The following VPS54 variants were observed in gnomAD, a reference collection of about 807,000 sequenced individuals.
VPS54 encodes VPS54 subunit of GARP complex, also known as vacuolar protein sorting-associated protein 54.
Under a neutral mutation model 121.5 loss-of-function variants are expected in VPS54, and 45 were observed. The observed-to-expected ratio is 0.37, with a 90% CI of 0.29 to 0.47. The LOEUF (loss-of-function observed/expected upper bound fraction) is 0.47. Among genes scored for constraint, VPS54 ranks in the 20% least tolerant of loss-of-function variants. VPS54 has a pLI of 0.99. For missense variants in VPS54, 1,090 were observed against 1,131.4 expected, an observed-to-expected ratio of 0.96 and a Z score of 0.52; for synonymous variants, 371 against 385.8, an observed-to-expected ratio of 0.96 and a Z score of 0.45.
intron 4 of VPS54, among the ~76,000 whole-genome samples, chr2:63,971,707 A>G (rs766754040): frequency 2.0e-5 from 3 of 152,214 alleles, no homozygotes; most frequent in Non-Finnish European, 4.4e-5. Flanking sequence ...ATATACAGTG[A>G]TACAATTATT....
At chr2:63,944,694 T>C (rs772524617) in intron 9 of VPS54, 39 bp from the exon 10 acceptor site, 11 of 1,537,664 alleles carry the variant, frequency 7.2e-6, no homozygotes, top group Admixed American at 5.2e-5. Context: ...ATTTGATTAA[T>C]TGTCTTTCAA....
chr2:63,953,126 A>ATTTTTT (rs1194371865), intron 7 of VPS54, among the ~76,000 whole-genome samples: 2 of 119,222 alleles, frequency 1.7e-5, no homozygotes, highest in Non-Finnish European at 3.5e-5. Context: ...GAAATTTTTA[A>ATTTTTT]TTTTTTTTTT....
chr2:63,897,393 T>A, intron 22 of VPS54, 103 bp downstream of exon 22: 1 of 756,784 alleles, frequency 1.3e-6, no homozygotes. Context: ...ACAACGTTGG[T>A]CTTCAGTGTG....
chr2:63,896,352 G>A (rs1013652348), intron 22 of VPS54, among the ~76,000 whole-genome samples: 9 of 152,142 alleles, frequency 5.9e-5, no homozygotes, highest in Non-Finnish European at 1.3e-4. Context: ...GAGGTATGGG[G>A]GTGGGAGGGA....
intron 4 of VPS54, among the ~76,000 whole-genome samples, chr2:63,969,291 T>TG (rs1404621892): frequency 1.3e-5 from 2 of 152,176 alleles, no homozygotes; most frequent in Non-Finnish European, 2.9e-5. Flanking sequence ...CCCCAACCCC[T>TG]GGGCCATGGC....
intron 4 of VPS54, among the ~76,000 whole-genome samples, chr2:63,971,107 T>C (rs1676264964): frequency 6.6e-6 from 1 of 152,202 alleles, no homozygotes; most frequent in Non-Finnish European, 1.5e-5. Flanking sequence ...CTGGGAATTG[T>C]CCTTGAATCA....
At chr2:63,958,862 T>C (rs900262483) in intron 7 of VPS54, among the ~76,000 whole-genome samples, 2 of 152,214 alleles carry the variant, frequency 1.3e-5, no homozygotes, top group African/African-American at 4.8e-5. Flanking sequence ...ATTTCTTATT[T>C]CAAGTAAGAC....
chr2:63,893,265 C>G lies in VPS54; in HGVS notation c.*165G>C. ...CACAAAAATGACATTCCTTGTAGAT[C>G]CCACTGAATCCAGTTTCCCAACACT... On this transcript the variant is annotated 3_prime_UTR_variant, in exon 23 of 23. Transcript: ENST00000272322. The G allele has an allele frequency of 1.4e-6, 1 of 730,918 alleles. No homozygotes were observed. Among genetic ancestry groups the G allele is most frequent in the East Asian group, 2.5e-5 (1 of 39,542 alleles). 45.3% of individuals were successfully genotyped at this position (730,918 alleles called of 1,614,324 possible).
chr2:63,943,197 T>G (rs568579175), intron 10 of VPS54, among the ~76,000 whole-genome samples: 3 of 152,340 alleles, frequency 2.0e-5, no homozygotes, highest in African/African-American at 7.2e-5. Context: ...ATTATTTTGA[T>G]AGTTGACAGA....
At chr2:63,966,203 T>C (rs1451347309) in intron 5 of VPS54, among the ~76,000 whole-genome samples, 1 of 152,174 alleles carries the variant, frequency 6.6e-6, no homozygotes, top group East Asian at 1.9e-4. Context: ...CCAATGGAGA[T>C]GGTCATTCTA....
At chr2:63,941,549 T>A (rs1674732280) in intron 11 of VPS54, among the ~76,000 whole-genome samples, 1 of 152,174 alleles carries the variant, frequency 6.6e-6, no homozygotes, top group African/African-American at 2.4e-5. Flanking sequence ...AAACCAAAGT[T>A]ATGACATGTT....
At chr2:63,901,975 A>T (rs1672697387) in intron 20 of VPS54, among the ~76,000 whole-genome samples, 1 of 152,188 alleles carries the variant, frequency 6.6e-6, no homozygotes. Flanking sequence ...AGATCACACC[A>T]TTGCACTCCA....
At chr2:63,934,236 A>G (rs1363880568) in intron 11 of VPS54, among the ~76,000 whole-genome samples, 1 of 152,186 alleles carries the variant, frequency 6.6e-6, no homozygotes, top group Non-Finnish European at 1.5e-5. Context: ...TAAACTTCCT[A>G]TATTTTAACT....
chr2:63,895,222 G>A (rs894787437), intron 22 of VPS54, among the ~76,000 whole-genome samples: 4 of 152,148 alleles, frequency 2.6e-5, no homozygotes, highest in African/African-American at 4.8e-5. Context: ...TTGGGAGGCC[G>A]AGGCAGGCAG....
At chr2:63,944,899 A>G (rs955547097) in intron 9 of VPS54, among the ~76,000 whole-genome samples, 2 of 152,188 alleles carry the variant, frequency 1.3e-5, no homozygotes, top group Admixed American at 6.5e-5. Context: ...AGGTGCTGGC[A>G]AGGTTGTAGA....
rs533787172 is a variant in VPS54 at position 63,933,535 on chromosome 2, C to T, written c.1739+138G>A. 7.3e-4 allele frequency: 528 copies of T among 725,800 alleles called. 11 individuals are homozygous for T. The South Asian group carries it at 0.011, about 15-fold the overall frequency. 45.0% of individuals were successfully genotyped at this position (725,800 alleles called of 1,614,324 possible). A position where few individuals can be genotyped will look rare whatever the true frequency, so the allele number is the denominator to read the frequency against. Reference sequence around the variant, plus strand: ...CTTCTCATACATTTTTATAGAGATACGTTTCATAAAATTAATATATTTTTG... The same window carrying T: ...CTTCTCATACATTTTTATAGAGATATGTTTCATAAAATTAATATATTTTTG... On this transcript the variant is annotated intron_variant, in intron 12 of 22. Coordinates refer to ENST00000272322, the MANE Select transcript of VPS54 (RefSeq NM_016516.3).
At chr2:63,907,901 TA>T (rs1243686188) in intron 20 of VPS54, among the ~76,000 whole-genome samples, 1 of 151,998 alleles carries the variant, frequency 6.6e-6, no homozygotes, top group Non-Finnish European at 1.5e-5. Context: ...GGACGAACAT[TA>T]AAAAATAAAG....
chr2:63,915,414 C>A (rs1479529272), intron 16 of VPS54, among the ~76,000 whole-genome samples: 1 of 152,100 alleles, frequency 6.6e-6, no homozygotes, highest in Admixed American at 6.5e-5. Context: ...CTTTATAACA[C>A]CTTGTCAGAC....
chr2:63,896,047 G>C (rs1023445509), intron 22 of VPS54, among the ~76,000 whole-genome samples: 4 of 152,134 alleles, frequency 2.6e-5, no homozygotes, highest in Non-Finnish European at 5.9e-5. Flanking sequence ...TCTCTACCAA[G>C]AGTCTCCTAA....
Sources: gnomAD v4.1 joint callset for allele counts (sites outside exome capture counted in the v4.1 genomes callset) on GRCh38, gnomAD v4.1.1 for gene constraint, MANE v1.5 for transcripts, NCBI Gene and HGNC (gene_info 2026-07-23, HGNC 2026-07-21) for gene names.